Variants in SERPINB6 observed in about 807,000 individuals in gnomAD.
The protein encoded by SERPINB6 is serpin B6.
A neutral mutation model predicts 26.1 loss-of-function variants in SERPINB6; 16 were observed. The observed-to-expected ratio is 0.61, with a 90% confidence interval of 0.42 to 0.93. The LOEUF (loss-of-function observed/expected upper bound fraction) is 0.93. Among genes scored for constraint, SERPINB6 ranks in the 40% least tolerant of loss-of-function variants. The pLI, the probability that SERPINB6 is intolerant of heterozygous loss-of-function variation, is 0.00. For missense variants in SERPINB6, 420 were observed against 478.0 expected (o/e 0.88, Z 1.13); for synonymous variants, 174 against 176.6 (o/e 0.99, Z 0.11).
chr6:2,962,704 T>A (rs1167093547), intron 1 of SERPINB6, among the ~76,000 whole-genome samples: 3 of 152,252 alleles, frequency 2.0e-5, no homozygotes, highest in Admixed American at 6.5e-5. Flanking sequence ...ACATAAAAAT[T>A]GCTGAGCAAC....
chr6:2,958,326 A>C lies in SERPINB6; in HGVS notation c.165+842T>G, dbSNP rs569895531. Among the ~76,000 whole-genome samples the C allele has an allele frequency of 2.3e-3, 349 of 152,284 alleles. 6 individuals carry two copies. The highest frequency in any genetic ancestry group is 3.8e-4 in the Non-Finnish European group (26 of 68,014). On this transcript the variant is annotated intron_variant, in intron 2 of 6. Transcript: ENST00000380539. ...CAGGGAACCACCAGGTCCAGAGGGC[A>C]GACCACAGCAGTCACGGGTGGCCCC...
At chr6:2,969,592 A>G (rs1006778739) in intron 1 of SERPINB6, 1 of 985,238 alleles carries the variant, frequency 1.0e-6, no homozygotes, top group African/African-American at 1.7e-5. Flanking sequence ...AATGTTCACA[A>G]TTGATTTTAT....
chr6:2,966,427 C>A, intron 1 of SERPINB6: 13 of 986,660 alleles, frequency 1.3e-5, no homozygotes, highest in Non-Finnish European at 1.6e-5. Context: ...CCAGCAGATC[C>A]GTCTGTGGTC....
chr6:2,954,709 A>T lies in SERPINB6; in HGVS notation c.313T>A (p.Ser105Thr). 1 of 1,608,384 alleles carries T rather than the reference A, an allele frequency of 6.2e-7. No homozygotes were observed. The highest frequency in any genetic ancestry group is 1.1e-5 in the South Asian group (1 of 90,982). Residue 105 changes from serine to threonine, a missense_variant and splice_region_variant, in exon 4 of 7, where the codon TCT (serine) becomes ACT (threonine). Physicochemically the swap from Ser to Thr is moderately conservative, Grantham distance 58. Transcript: ENST00000380539. ...AATTTTTGGCAGGAATCTCTAAAAGACTAGGATAGACAGAGTGACATAACT... is the reference window on the plus strand; with the variant it reads ...AATTTTTGGCAGGAATCTCTAAAAGTCTAGGATAGACAGAGTGACATAACT... ...FGEKSCDFLSSFRDSCQKFYQ... is the reference protein window; with the variant it reads ...FGEKSCDFLSTFRDSCQKFYQ...
intron 5 of SERPINB6, among the ~76,000 whole-genome samples, chr6:2,950,092 C>G (rs1769607448): frequency 6.6e-6 from 1 of 152,180 alleles, no homozygotes; most frequent in Non-Finnish European, 1.5e-5. Context: ...GTCTCTGTAC[C>G]ATTTACCACT....
chr6:2,969,172 T>C, intron 1 of SERPINB6: 1 of 992,336 alleles, frequency 1.0e-6, no homozygotes, highest in Non-Finnish European at 1.2e-6. Context: ...ATCAACAAAT[T>C]ATAAACAATC....
chr6:2,970,817 T>C, intron 1 of SERPINB6: 1 of 1,228,034 alleles, frequency 8.1e-7, no homozygotes, highest in East Asian at 3.2e-5. Flanking sequence ...AAGCCTGTAA[T>C]AGTTTGCCTG....
At chr6:2,949,211 T>C (rs1769494079) in intron 5 of SERPINB6, 142 bp from the exon 6 acceptor site, 1 of 897,628 alleles carries the variant, frequency 1.1e-6, no homozygotes. Context: ...CAGCGCCTGC[T>C]CTGCCATCTT....
chr6:2,953,047 G>A lies in SERPINB6; in HGVS notation c.570C>T (p.Ser190=). The A allele has an allele frequency of 1.2e-6, 2 of 1,614,180 alleles. No homozygotes were observed. The highest frequency in any genetic ancestry group is 1.7e-6 in the Non-Finnish European group (2 of 1,180,034). Residue 190 remains serine, a synonymous_variant, in exon 5 of 7, where the codon AGC becomes AGT. Coordinates refer to ENST00000380539, the MANE Select transcript of SERPINB6 (RefSeq NM_004568.6). ...CCTGTCACGGCCCCTTACTCGCCTT[G>A]CTGACTTTAAACAGTCTCTCCTCGG... ...ENTEERLFKV[S]KNEEKPVQMM... is the part of the protein sequence containing the mutation.
At position 2,948,345 on chromosome 6, in the gene SERPINB6, T is replaced by C; in HGVS notation, c.1084A>G (p.Ser362Gly). 6.2e-7 allele frequency: 1 copy of C among 1,614,106 alleles called. No individual in the cohort carries two copies. ...CAGAAGAGAATCCCGTTGGTCTTGC[T>C]GTGCTGGATGAAGAAAAGGAAGGGG... ...DHPFLFFIQH[S>G]KTNGILFCGR... The change falls in exon 7 of 7, where the codon AGC becomes GGC. Residue 362 changes from serine (S) to glycine (G), a missense_variant. Coordinates refer to ENST00000380539, the MANE Select transcript of SERPINB6 (RefSeq NM_004568.6). This position sits in a 1 kb window ranked among gnomAD's most constrained non-coding sequence, Gnocchi z 5.0.
In SERPINB6 at chr6:2,948,366, A is replaced by G. The variant is rs1561667003; in HGVS notation, c.1063T>C (p.Phe355Leu). The G allele has an allele frequency of 6.2e-7, 1 of 1,614,156 alleles. No homozygotes were observed. The change falls in exon 7 of 7, where the codon TTC becomes CTC. Residue 355 changes from phenylalanine to leucine, a missense_variant. Coordinates refer to ENST00000380539, the MANE Select transcript of SERPINB6 (RefSeq NM_004568.6). The surrounding 1 kb of genome is among the most constrained non-coding windows in gnomAD (Gnocchi z 5.0). ...TTGCTGTGCTGGATGAAGAAAAGGA[A>G]GGGGTGGTCGGCGCAGAAGCGGGGG... ...FVPRFCADHP[F>L]LFFIQHSKTN...
intron 1 of SERPINB6, chr6:2,971,058 T>C (rs1772108625): frequency 3.4e-6 from 4 of 1,171,992 alleles, no homozygotes; most frequent in Middle Eastern, 3.4e-4. Flanking sequence ...TGAGCACGCG[T>C]CCTCCGGGTC....
At position 2,965,893 on chromosome 6, in the gene SERPINB6, T is replaced by A. The variant is rs78654600; in HGVS notation, c.-11+5640A>T. Among the ~76,000 whole-genome samples the A allele has an allele frequency of 1.9e-3, 289 of 152,232 alleles. 1 individual carries two copies. The highest frequency in any genetic ancestry group is 6.7e-3 in the African/African-American group (280 of 41,516). On this transcript the variant is annotated intron_variant, in intron 1 of 6. Transcript: ENST00000380539. ...ATGGTCTTTGTGCATCAAAGCAGTT[T>A]CTCAGCACAGGGCACACACTCTTTG... is the stretch of plus-strand genomic sequence containing the variant.
At chr6:2,966,979 C>T in intron 1 of SERPINB6, 2 of 985,480 alleles carry the variant, frequency 2.0e-6, no homozygotes, top group Non-Finnish European at 2.4e-6. Context: ...AAGGCACTTG[C>T]TGATTTCCTC....
intron 2 of SERPINB6, chr6:2,957,938 C>T (rs3823091): frequency 0.2 from 30,862 of 152,194 alleles, 3,401 homozygotes; most frequent in South Asian, 0.28. Context: ...GAGAGGTGAA[C>T]AATACATGCC....
chr6:2,969,241 A>C (rs1342963798), intron 1 of SERPINB6: 1 of 985,660 alleles, frequency 1.0e-6, no homozygotes, highest in African/African-American at 1.7e-5. Context: ...TGTGAGTAAC[A>C]AGGATGCCTG....
chr6:2,956,775 C>CG (rs1770538046), intron 2 of SERPINB6: 1 of 151,882 alleles, frequency 6.6e-6, no homozygotes, highest in South Asian at 2.1e-4. Flanking sequence ...GAGCCGACAT[C>CG]GCGCCATTGT....
In SERPINB6 at chr6:2,948,366, A is replaced by AG; in HGVS notation, c.1062dup (p.Phe355LeufsTer39). 1.2e-6 allele frequency: 2 copies of AG among 1,614,156 alleles called. No individual in the cohort carries two copies. Among genetic ancestry groups the AG allele is most frequent in the Non-Finnish European group, 1.7e-6 (2 of 1,179,998 alleles). The stretch of plus-strand genomic sequence containing the variant: ...TTGCTGTGCTGGATGAAGAAAAGGA[A>AG]GGGGTGGTCGGCGCAGAAGCGGGGG... On this transcript the variant is annotated frameshift_variant, in exon 7 of 7. Coordinates refer to ENST00000380539, the MANE Select transcript of SERPINB6 (RefSeq NM_004568.6). LOFTEE classifies it high-confidence loss of function. This position sits in a 1 kb window ranked among gnomAD's most constrained non-coding sequence, Gnocchi z 5.0.
At chr6:2,966,394 A>T (rs115140846) in intron 1 of SERPINB6, 16,424 of 986,840 alleles carry the variant, frequency 0.017, 191 homozygotes, top group South Asian at 0.057. Context: ...CTCCAAACAC[A>T]CTTACTTTAT....
Sources: allele counts gnomAD v4.1 joint callset (sites outside exome capture counted in the v4.1 genomes callset), GRCh38; gene constraint gnomAD v4.1.1; non-coding constraint Gnocchi (gnomAD v3.1); transcripts MANE v1.5; gene names NCBI Gene and HGNC (gene_info 2026-07-23, HGNC 2026-07-21).